Variants in MACC1 observed in about 807,000 individuals in gnomAD.
The protein encoded by MACC1 is MET transcriptional regulator MACC1, also known as metastasis-associated in colon cancer protein 1.
A neutral mutation model predicts 70.7 loss-of-function variants in MACC1; 79 were observed. The observed-to-expected ratio is 1.12, with a 90% CI of 0.93 to 1.35. The LOEUF is 1.35. Among genes scored for constraint, MACC1 ranks in the 40% most tolerant of loss-of-function variants. The probability of loss-of-function intolerance (pLI) is 0.00; values close to 1 mark genes in which losing one functional copy is unlikely to be tolerated. For synonymous variants in MACC1, 361 were observed against 347.2 expected, an observed-to-expected ratio of 1.04 and a Z score of -0.44; for missense variants, 1,106 against 978.1, an observed-to-expected ratio of 1.13 and a Z score of -1.74.
chr7:20,157,231 G>A (rs1430413941), intron 5 of MACC1, among the ~76,000 whole-genome samples: 2 of 151,918 alleles, frequency 1.3e-5, no homozygotes, highest in Non-Finnish European at 2.9e-5. Context: ...TTACACTCAT[G>A]TTTTAACCAT....
intron 1 of MACC1, among the ~76,000 whole-genome samples, chr7:20,193,854 C>A (rs1562598831): frequency 6.6e-6 from 1 of 151,384 alleles, no homozygotes; most frequent in Non-Finnish European, 1.5e-5. Flanking sequence ...GCTGACATCA[C>A]TGTTCTCCAA....
intron 2 of MACC1, among the ~76,000 whole-genome samples, chr7:20,168,893 C>T (rs922624666): frequency 1.3e-5 from 2 of 152,284 alleles, no homozygotes; most frequent in Admixed American, 1.3e-4. Flanking sequence ...AAGACCCAAA[C>T]AATTCACTAA....
chr7:20,202,249 T>TAAATCAACTTCTGTAAGTTC (rs1782844251), intron 1 of MACC1, among the ~76,000 whole-genome samples: 1 of 152,236 alleles, frequency 6.6e-6, no homozygotes, highest in Non-Finnish European at 1.5e-5. Context: ...GTCTTTTGGT[T>TAAATCAACTTCTGTAAGTTC]AAATCAACTT....
In MACC1 at chr7:20,141,019, G is replaced by A; in HGVS notation, c.2486C>T (p.Thr829Ile). The stretch of plus-strand genomic sequence containing the variant: ...AGAATTTACTAGTATTAAAACTCCA[G>A]TTAATTCTCTCCAGTGTTTAGTCAC... Reference protein sequence around the residue: ...NPVTKHWRELTGVLILVNSLE... With the variant: ...NPVTKHWRELIGVLILVNSLE... The change falls in exon 7 of 7, where the codon ACT becomes ATT. Residue 829 changes from threonine to isoleucine, a missense_variant. By Grantham distance (89) the Thr-to-Ile change is moderately conservative (BLOSUM62 -1). Transcript: ENST00000400331. The A allele has an allele frequency of 1.9e-6, 3 of 1,614,068 alleles. No individual in the cohort carries two copies. In the South Asian group the frequency reaches 3.3e-5, roughly 18 times the overall value.
intron 1 of MACC1, among the ~76,000 whole-genome samples, chr7:20,171,545 C>A (rs564431425): frequency 2.2e-4 from 34 of 151,492 alleles, no homozygotes; most frequent in African/African-American, 7.7e-4. Flanking sequence ...TGAGCCACCA[C>A]GCCCGGCTGA....
Position 20,158,249 on chromosome 7 carries a change from G to T in MACC1, c.2112C>A (p.Cys704Ter). The change falls in exon 5 of 7, where the codon TGC becomes TGA. Residue 704 changes from cysteine to a stop codon, truncating the protein, a stop_gained. Coordinates refer to ENST00000400331, the MANE Select transcript of MACC1 (RefSeq NM_182762.4). LOFTEE classifies it high-confidence loss of function. Reference sequence around the variant, plus strand: ...ACTTCCTTGTATTTCTCTCTGTGTGGCAATCTTCCTTTAACTTCTTTATAA... The same window carrying T: ...ACTTCCTTGTATTTCTCTCTGTGTGTCAATCTTCCTTTAACTTCTTTATAA... ...SYVIKKLKED[C>*]HTERNTRKFL... is the part of the protein sequence containing the mutation. 6.2e-7 allele frequency: 1 copy of T among 1,602,694 alleles called. No individual in the cohort carries two copies. The highest frequency in any genetic ancestry group is 8.5e-7 in the Non-Finnish European group (1 of 1,176,890).
rs373765832 is a variant in MACC1 at position 20,150,813 on chromosome 7, G to A, written c.2346+3380C>T. Among the ~76,000 whole-genome samples, 27 of 152,282 alleles carry A rather than the reference G, an allele frequency of 1.8e-4. No individual in the cohort carries two copies. The East Asian group carries it at 3.3e-3, about 19-fold the overall frequency. ...TGTAATGCCAGCAATTTGGGAGGCC[G>A]AGGTGAGTGGATCACCTGAGGTCAG... is the stretch of plus-strand genomic sequence containing the variant. On this transcript the variant is annotated intron_variant, in intron 6 of 6. Coordinates refer to ENST00000400331, the MANE Select transcript of MACC1 (RefSeq NM_182762.4).
At position 20,137,813 on chromosome 7, in the gene MACC1, A is replaced by G. The variant is rs989609180; in HGVS notation, c.*3133T>C. 1 of 152,194 alleles carries G rather than the reference A, an allele frequency of 6.6e-6. No homozygotes were observed. Among genetic ancestry groups the G allele is most frequent in the African/African-American group, 2.4e-5 (1 of 41,464 alleles). The allele number at this position is 152,194 out of a possible 1,614,324, so 9.4% of individuals were successfully genotyped here. A position where few individuals can be genotyped will look rare whatever the true frequency, so the allele number is the denominator to read the frequency against. ...AAAAGTAGAAACTATTTATTTAAAA[A>G]TTAGAATATATTTATACAAACAGAA... On this transcript the variant is annotated 3_prime_UTR_variant, in exon 7 of 7. Coordinates refer to ENST00000400331, the MANE Select transcript of MACC1 (RefSeq NM_182762.4).
chr7:20,159,010 C>T lies in MACC1; in HGVS notation c.1351G>A (p.Glu451Lys). The T allele has an allele frequency of 1.2e-6, 2 of 1,613,976 alleles. No individual in the cohort carries two copies. The highest frequency in any genetic ancestry group is 1.7e-6 in the Non-Finnish European group (2 of 1,180,000). Residue 451 changes from glutamate (E) to lysine (K), a missense_variant, in exon 5 of 7, where the codon GAA becomes AAA. Coordinates refer to ENST00000400331, the MANE Select transcript of MACC1 (RefSeq NM_182762.4). ...DPDFEVKTEG[E>K]RKEIKQKQLE... ...TGCTTTTGTTTAATTTCTTTCCTTTCTCCTTCTGTCTTTACTTCAAAATCA... is the reference window on the plus strand; with the variant it reads ...TGCTTTTGTTTAATTTCTTTCCTTTTTCCTTCTGTCTTTACTTCAAAATCA...
intron 1 of MACC1, among the ~76,000 whole-genome samples, chr7:20,197,818 T>G (rs751841280): frequency 1.4e-4 from 22 of 152,252 alleles, no homozygotes; most frequent in Non-Finnish European, 2.8e-4. Flanking sequence ...GTATTTATCA[T>G]GACTTAGTAT....
Position 20,140,757 on chromosome 7 carries a change from C to T in MACC1, c.*189G>A. The T allele has an allele frequency of 4.4e-6, 2 of 449,496 alleles. No individual in the cohort carries two copies. 27.8% of individuals were successfully genotyped at this position (449,496 alleles called of 1,614,324 possible). On this transcript the variant is annotated 3_prime_UTR_variant, in exon 7 of 7. Coordinates refer to ENST00000400331, the MANE Select transcript of MACC1 (RefSeq NM_182762.4). ...TCAGGAAAAAAAAACTGGTTTTGAG[C>T]ATGAAGAAAATTAATATAATGCTTT... is the stretch of plus-strand genomic sequence containing the variant.
intron 1 of MACC1, among the ~76,000 whole-genome samples, chr7:20,209,888 G>A (rs1051025574): frequency 2.6e-5 from 4 of 152,272 alleles, no homozygotes; most frequent in Non-Finnish European, 5.9e-5. Flanking sequence ...TCTTGTAACA[G>A]TGAGTGACTT....
In MACC1 at chr7:20,137,191, C is replaced by G. The variant is rs1046571753; in HGVS notation, c.*3755G>C. 1.3e-5 allele frequency: 2 copies of G among 152,040 alleles called. No homozygotes were observed. Among genetic ancestry groups the G allele is most frequent in the Admixed American group, 1.3e-4 (2 of 15,276 alleles). 9.4% of individuals were successfully genotyped at this position (152,040 alleles called of 1,614,324 possible). A position where few individuals can be genotyped will look rare whatever the true frequency, so the allele number is the denominator to read the frequency against. On this transcript the variant is annotated 3_prime_UTR_variant, in exon 7 of 7. Transcript: ENST00000400331. ...TTCAACTTCCAGTTATAGCATTGTA[C>G]AAATTTGAGTGTATGCATGTTCTCT...
intron 1 of MACC1, among the ~76,000 whole-genome samples, chr7:20,192,619 T>C (rs1448517859): frequency 6.6e-6 from 1 of 152,188 alleles, no homozygotes; most frequent in East Asian, 1.9e-4. Context: ...AGAGAATCCC[T>C]AACTAGATCT....
intron 1 of MACC1, among the ~76,000 whole-genome samples, chr7:20,171,255 C>T (rs932088059): frequency 6.9e-6 from 1 of 144,092 alleles, no homozygotes; most frequent in Non-Finnish European, 1.5e-5. Flanking sequence ...ATTTTATTTT[C>T]TTTTTTTTTT....
intron 1 of MACC1, among the ~76,000 whole-genome samples, chr7:20,194,856 G>T (rs1413413405): frequency 6.6e-6 from 1 of 152,198 alleles, no homozygotes; most frequent in Non-Finnish European, 1.5e-5. Flanking sequence ...AATAGAGCAT[G>T]TTACTTCAGC....
chr7:20,196,476 A>G (rs1041578733), intron 1 of MACC1, among the ~76,000 whole-genome samples: 13 of 152,142 alleles, frequency 8.5e-5, no homozygotes, highest in Admixed American at 1.3e-4. Context: ...CACTGCGCCC[A>G]GCCAACTTTC....
Position 20,138,097 on chromosome 7 carries a change from G to C in MACC1, c.*2849C>G, listed in dbSNP as rs953601473. 2.2e-5 allele frequency: 3 copies of C among 135,396 alleles called. No homozygotes were observed. Among genetic ancestry groups the C allele is most frequent in the African/African-American group, 8.1e-5 (3 of 37,056 alleles). 8.4% of individuals were successfully genotyped at this position (135,396 alleles called of 1,614,324 possible). ...GAACCCAGGAGGTGGAGGTTGCAGT[G>C]AGTCAAGATTGAAACACCGCACTCC... On this transcript the variant is annotated 3_prime_UTR_variant, in exon 7 of 7. Coordinates refer to ENST00000400331, the MANE Select transcript of MACC1 (RefSeq NM_182762.4).
intron 1 of MACC1, among the ~76,000 whole-genome samples, chr7:20,213,816 A>G (rs1783031466): frequency 6.6e-6 from 1 of 152,086 alleles, no homozygotes; most frequent in Admixed American, 6.5e-5. Flanking sequence ...TAGGCTTAAT[A>G]CCTGGGTGAT....
Sources: gnomAD v4.1 joint callset for allele counts (sites outside exome capture counted in the v4.1 genomes callset) on GRCh38, gnomAD v4.1.1 for gene constraint, MANE v1.5 for transcripts, NCBI Gene and HGNC (gene_info 2026-07-23, HGNC 2026-07-21) for gene names.